KIAA0930: variants seen among roughly 807,000 people sequenced by gnomAD.
KIAA0930 encodes uncharacterized protein KIAA0930.
A neutral mutation model predicts 43.9 loss-of-function variants in KIAA0930; 24 were observed. The observed-to-expected ratio is 0.55, with a 90% CI of 0.40 to 0.77. The LOEUF (loss-of-function observed/expected upper bound fraction) is 0.77. KIAA0930 is among the 30% of genes least tolerant of loss of function. KIAA0930 has a pLI of 0.00. For synonymous variants in KIAA0930, 259 were observed against 216.4 expected, an observed-to-expected ratio of 1.20 and a Z score of -1.73; for missense variants, 461 against 574.2, an observed-to-expected ratio of 0.80 and a Z score of 2.02.
intron 1 of KIAA0930, among the ~76,000 whole-genome samples, chr22:45,221,024 T>G (rs80088441): frequency 0.067 from 10,268 of 152,208 alleles, 726 homozygotes; most frequent in East Asian, 0.19. Context: ...TCAGTTCTGG[T>G]CACTTTTCAG....
rs529308480 is a variant in KIAA0930, at chr22:45,239,690, G to A, written c.64+950C>T. 3.9e-5 allele frequency among the ~76,000 whole-genome samples: 6 copies of A among 152,324 alleles called. No individual in the cohort carries two copies. In the East Asian group the frequency reaches 9.6e-4, roughly 24 times the overall value. ...GGACTCAGTTTCCCCAACGGTGAAT[G>A]AAGGGGTGAATCTGGAAGGCTGACA... On this transcript the variant is annotated intron_variant, in intron 1 of 9. Coordinates refer to ENST00000336156, the MANE Select transcript of KIAA0930 (RefSeq NM_001009880.2).
rs907306668 is a variant in KIAA0930, at chr22:45,194,169, G to A, written c.*3007C>T. On this transcript the variant is annotated 3_prime_UTR_variant, in exon 10 of 10. Coordinates refer to ENST00000336156, the MANE Select transcript of KIAA0930 (RefSeq NM_001009880.2). ...GGCTCACTGCAACCTCTGCCTACTA[G>A]GTTCAAGTGATTCTCCTTCCTCAGC... 1.5e-5 allele frequency: 2 copies of A among 135,026 alleles called. No homozygotes were observed. The highest frequency in any genetic ancestry group is 3.1e-5 in the Non-Finnish European group (2 of 65,310). 8.4% of individuals were successfully genotyped at this position (135,026 alleles called of 1,614,324 possible).
chr22:45,226,470 A>G (rs5766564), intron 1 of KIAA0930: 196,886 of 373,298 alleles, frequency 0.53, 53,585 homozygotes, highest in African/African-American at 0.7. Context: ...CCCATAAAGC[A>G]TCCTTTATCC....
In KIAA0930 at chr22:45,211,973, C is replaced by T. The variant is rs764509236; in HGVS notation, c.199G>A (p.Gly67Ser). 4.3e-6 allele frequency: 7 copies of T among 1,612,286 alleles called. No homozygotes were observed. The highest frequency in any genetic ancestry group is 1.6e-4 in the Middle Eastern group (1 of 6,062). ...TCACTCACCTTCCTCCCGTCTGCAC[C>T]GCTTTCGCTGCCGGAGTACGCCAGC... The part of the protein sequence containing the change: ...RKLAYSGSES[G>S]ADGRKAAEPE... Residue 67 changes from glycine to serine, a missense_variant, in exon 2 of 10, where the codon GGT becomes AGT. Coordinates refer to ENST00000336156, the MANE Select transcript of KIAA0930 (RefSeq NM_001009880.2).
rs911542579 is a variant in KIAA0930, at chr22:45,197,175, G to T, written c.*1C>A. The T allele has an allele frequency of 3.9e-5, 61 of 1,549,318 alleles. No homozygotes were observed. Among genetic ancestry groups the T allele is most frequent in the Non-Finnish European group, 5.1e-5 (58 of 1,145,950 alleles). The stretch of plus-strand genomic sequence containing the variant: ...GGGCTCTGCGCAGGCTCCGCACGCG[G>T]CTAGGTCATCAGGATGGGCTTCTGC... On this transcript the variant is annotated 3_prime_UTR_variant, in exon 10 of 10. Coordinates refer to ENST00000336156, the MANE Select transcript of KIAA0930 (RefSeq NM_001009880.2).
intron 1 of KIAA0930, 154 bp from the exon 2 acceptor site, chr22:45,212,261 C>T (rs772221261): frequency 3.7e-6 from 6 of 1,613,008 alleles, no homozygotes; most frequent in Non-Finnish European, 5.1e-6. Context: ...CTCCCGACCC[C>T]CACCCATGGA....
At chr22:45,213,433 G>T in intron 1 of KIAA0930, 1 of 1,291,964 alleles carries the variant, frequency 7.7e-7, no homozygotes, top group African/African-American at 1.5e-5. Context: ...GCCTCCAGGG[G>T]TGAGGGCCAG....
intron 1 of KIAA0930, chr22:45,213,478 C>T (rs1173179227): frequency 1.7e-6 from 2 of 1,211,414 alleles, no homozygotes; most frequent in African/African-American, 1.6e-5. Context: ...CTCCCAGGCT[C>T]ACAGGACCCG....
intron 1 of KIAA0930, among the ~76,000 whole-genome samples, chr22:45,228,566 T>C (rs895296826): frequency 1.3e-5 from 2 of 152,072 alleles, no homozygotes; most frequent in Non-Finnish European, 2.9e-5. Flanking sequence ...CTCAGCAAAT[T>C]ACAGTGTGAA....
intron 1 of KIAA0930, among the ~76,000 whole-genome samples, chr22:45,233,519 T>A (rs369880439): frequency 6.6e-6 from 1 of 152,128 alleles, no homozygotes; most frequent in African/African-American, 2.4e-5. Flanking sequence ...GAGGCGGGCA[T>A]CACCTGGAAA....
At chr22:45,211,086 C>T (rs574882556) in intron 2 of KIAA0930, among the ~76,000 whole-genome samples, 2 of 152,248 alleles carry the variant, frequency 1.3e-5, no homozygotes, top group Admixed American at 6.5e-5. Context: ...AAATCCATCC[C>T]GCGTGTGTTC....
At position 45,193,424 on chromosome 22, in the gene KIAA0930, A is replaced by G. The variant is rs772436419; in HGVS notation, c.*3752T>C. On this transcript the variant is annotated 3_prime_UTR_variant, in exon 10 of 10. Transcript: ENST00000336156. Reference sequence around the variant, plus strand: ...GGGCCTTTCCTCTGGGACATCTTTTAATGAAAAAAAAAAGTTTTACTTTGT... The same window carrying G: ...GGGCCTTTCCTCTGGGACATCTTTTGATGAAAAAAAAAAGTTTTACTTTGT... The G allele has an allele frequency of 2.0e-5, 3 of 152,102 alleles. No individual in the cohort carries two copies. The highest frequency in any genetic ancestry group is 4.4e-5 in the Non-Finnish European group (3 of 68,034). The allele number at this position is 152,102 out of a possible 1,614,324, so 9.4% of individuals were successfully genotyped here.
chr22:45,234,312 C>A (rs570679927), intron 1 of KIAA0930, among the ~76,000 whole-genome samples: 1 of 150,518 alleles, frequency 6.6e-6, no homozygotes, highest in East Asian at 2.0e-4. Context: ...GCCTCTGCTT[C>A]CTGCTCGGGG....
intron 5 of KIAA0930, among the ~76,000 whole-genome samples, chr22:45,204,528 T>C (rs1444674311): frequency 6.6e-6 from 1 of 152,186 alleles, no homozygotes; most frequent in East Asian, 1.9e-4. Context: ...GAGCTACGTG[T>C]GCCTGGGGAG....
chr22:45,197,732 T>C, intron 9 of KIAA0930, 58 bp downstream of exon 9: 2 of 1,591,300 alleles, frequency 1.3e-6, no homozygotes, highest in Non-Finnish European at 1.7e-6. Context: ...ACCAAGGCCC[T>C]GGAGGCAGAG....
At chr22:45,197,990 A>G (rs757722158) in intron 8 of KIAA0930, 42 bp from the exon 9 acceptor site, 39 of 1,605,084 alleles carry the variant, frequency 2.4e-5, no homozygotes, top group Non-Finnish European at 3.0e-5. Flanking sequence ...ACAGCATGGG[A>G]CGCGGCGGGA....
chr22:45,213,301 C>T, intron 1 of KIAA0930: 2 of 1,302,756 alleles, frequency 1.5e-6, no homozygotes, highest in East Asian at 5.5e-5. Flanking sequence ...CAGCCCTCTG[C>T]CCAACAGTGT....
At chr22:45,212,194 C>A (rs771363547) in intron 1 of KIAA0930, 87 bp from the exon 2 acceptor site, 2 of 1,613,320 alleles carry the variant, frequency 1.2e-6, no homozygotes, top group South Asian at 1.1e-5. Context: ...CCCATACCCC[C>A]ACATTTCTGG....
At chr22:45,219,492 T>G (rs1280004553) in intron 1 of KIAA0930, among the ~76,000 whole-genome samples, 1 of 150,678 alleles carries the variant, frequency 6.6e-6, no homozygotes, top group African/African-American at 2.4e-5. Context: ...TTATAGCCAT[T>G]AAAAATGATG....
Sources: gnomAD v4.1 joint callset for allele counts (sites outside exome capture counted in the v4.1 genomes callset) on GRCh38, gnomAD v4.1.1 for gene constraint, MANE v1.5 for transcripts, NCBI Gene and HGNC (gene_info 2026-07-23, HGNC 2026-07-21) for gene names.